Variants in CYP26A1 observed in about 807,000 individuals in gnomAD.
CYP26A1 encodes cytochrome P450 family 26 subfamily A member 1.
In CYP26A1, 46 loss-of-function variants were observed where a neutral mutation model predicts 47.4. The observed-to-expected ratio is 0.97, with a 90% CI of 0.77 to 1.24. CYP26A1 has a LOEUF of 1.24. CYP26A1 is among the 50% of genes most tolerant of loss of function. The pLI, the probability that CYP26A1 is intolerant of heterozygous loss-of-function variation, is 0.00. For synonymous variants in CYP26A1, 277 were observed against 263.7 expected (o/e 1.05, Z -0.49); for missense variants, 680 against 644.4 (o/e 1.06, Z -0.60).
intron 5 of CYP26A1, 32 bp downstream of exon 5, chr10:93,075,992 T>C: frequency 6.3e-7 from 1 of 1,584,244 alleles, no homozygotes; most frequent in Non-Finnish European, 8.7e-7. Context: ...GTGTCCTTAT[T>C]AGCTTAGGAA....
intron 6 of CYP26A1, 33 bp from the exon 7 acceptor site, chr10:93,076,930 T>G (rs1201057157): frequency 1.4e-6 from 2 of 1,381,418 alleles, no homozygotes; most frequent in South Asian, 1.3e-5. Flanking sequence ...AATTCCAGTT[T>G]GTCAGCCCTT....
chr10:93,076,485 T>C, intron 5 of CYP26A1, 59 bp from the exon 6 acceptor site: 1 of 1,250,996 alleles, frequency 8.0e-7, no homozygotes, highest in Non-Finnish European at 1.1e-6. Flanking sequence ...TTACGTCTGC[T>C]GGGCTGATTT....
intron 4 of CYP26A1, 103 bp from the exon 5 acceptor site, chr10:93,075,723 G>A (rs1590144339): frequency 1.2e-6 from 1 of 831,328 alleles, no homozygotes; most frequent in East Asian, 2.5e-5. Flanking sequence ...AAAACATTTA[G>A]CCCTTCTAGT....
At position 93,074,912 on chromosome 10, in the gene CYP26A1, G is replaced by A. The variant is rs200654050; in HGVS notation, c.548G>A (p.Arg183His). The change falls in exon 3 of 7, where the codon CGC becomes CAC. Residue 183 changes from arginine to histidine, a missense_variant. Arg to His is a conservative substitution (Grantham distance 29). Transcript: ENST00000224356. The surrounding 1 kb of genome is among the most constrained non-coding windows in gnomAD (Gnocchi z 5.3). ...CTCCTGGTCTACCCCGAGGTGAAGC[G>A]CCTCATGTTCCGAATCGCCATGCGC... The part of the protein sequence containing the change: ...RGLLVYPEVK[R>H]LMFRIAMRIL... 152 of 1,613,218 alleles carry A rather than the reference G, an allele frequency of 9.4e-5. 1 individual carries two copies. In the Middle Eastern group the frequency reaches 1.5e-3, roughly 16 times the overall value.
rs973440708 is a variant in CYP26A1, at chr10:93,077,390, C to G, written c.*86C>G. 3.0e-5 allele frequency: 16 copies of G among 538,260 alleles called. No individual in the cohort carries two copies. Among genetic ancestry groups the G allele is most frequent in the Non-Finnish European group, 4.8e-5 (16 of 330,930 alleles). 33.3% of individuals were successfully genotyped at this position (538,260 alleles called of 1,614,324 possible). A position where few individuals can be genotyped will look rare whatever the true frequency, so the allele number is the denominator to read the frequency against. ...GTTGTGTTGACTTTATATTTAATTTCTAAATGTATATTATAATATTTATGT... is the reference window on the plus strand; with the variant it reads ...GTTGTGTTGACTTTATATTTAATTTGTAAATGTATATTATAATATTTATGT... On this transcript the variant is annotated 3_prime_UTR_variant, in exon 7 of 7. Transcript: ENST00000224356.
In CYP26A1 at chr10:93,077,444, A is replaced by G; in HGVS notation, c.*140A>G. On this transcript the variant is annotated 3_prime_UTR_variant, in exon 7 of 7. Coordinates refer to ENST00000224356, the MANE Select transcript of CYP26A1 (RefSeq NM_000783.4). The stretch of plus-strand genomic sequence containing the variant: ...TTGACTATACTACCACAATCTTTAA[A>G]TATTAAAATAATGAATTTGTATCAT... The G allele has an allele frequency of 2.4e-6, 1 of 409,120 alleles. No homozygotes were observed. The highest frequency in any genetic ancestry group is 1.2e-4 in the South Asian group (1 of 8,424). 25.3% of individuals were successfully genotyped at this position (409,120 alleles called of 1,614,324 possible).
rs751088799 is a variant in CYP26A1, at chr10:93,077,085, G to A, written c.1275G>A (p.Glu425=). ...NPDRFMLPHP[E]DASRFSFIPF... ...ACCGATTCATGCTGCCTCACCCAGAGGATGCATCCAGGTTCAGCTTCATTC... is the reference window on the plus strand; with the variant it reads ...ACCGATTCATGCTGCCTCACCCAGAAGATGCATCCAGGTTCAGCTTCATTC... Residue 425 remains glutamate, a synonymous_variant, in exon 7 of 7, where the codon GAG becomes GAA. Transcript: ENST00000224356. 1.9e-6 allele frequency: 3 copies of A among 1,614,102 alleles called. No homozygotes were observed. Among genetic ancestry groups the A allele is most frequent in the Non-Finnish European group, 1.7e-6 (2 of 1,179,940 alleles).
At chr10:93,076,101 A>G (rs1846974661) in intron 5 of CYP26A1, 141 bp downstream of exon 5, 3 of 643,130 alleles carry the variant, frequency 4.7e-6, no homozygotes. Flanking sequence ...GCCAGTGGGC[A>G]GAATTAGCTT....
intron 6 of CYP26A1, 125 bp downstream of exon 6, chr10:93,076,821 A>G: frequency 1.1e-6 from 1 of 930,626 alleles, no homozygotes; most frequent in African/African-American, 1.7e-5. Flanking sequence ...GATATGTTTC[A>G]GCAACCTGGA....
Position 93,075,058 on chromosome 10 carries a change from G to T in CYP26A1, c.694G>T (p.Gly232Trp), listed in dbSNP as rs768727959. ...GCTGCCCATCGACGTGCCCTTCAGC[G>T]GGCTGTACCGGGTAAGGGCGGCAAA... ...FSLPIDVPFSGLYRGMKARNL... is the reference protein window; with the variant it reads ...FSLPIDVPFSWLYRGMKARNL... Residue 232 changes from glycine (G) to tryptophan (W), a missense_variant, in exon 3 of 7, where the codon GGG becomes TGG. Coordinates refer to ENST00000224356, the MANE Select transcript of CYP26A1 (RefSeq NM_000783.4). 1 of 1,612,780 alleles carries T rather than the reference G, an allele frequency of 6.2e-7. No homozygotes were observed. Among genetic ancestry groups the T allele is most frequent in the Admixed American group, 1.7e-5 (1 of 60,030 alleles).
At chr10:93,075,625 G>A (rs1846967878) in intron 4 of CYP26A1, 1 of 586,700 alleles carries the variant, frequency 1.7e-6, no homozygotes, top group Non-Finnish European at 3.0e-6. Flanking sequence ...CCGGTAGAGC[G>A]GGGTCGTACT....
chr10:93,077,208 G>C lies in CYP26A1; in HGVS notation c.1398G>C (p.Gln466His). 1.2e-6 allele frequency: 2 copies of C among 1,610,418 alleles called. No individual in the cohort carries two copies. The highest frequency in any genetic ancestry group is 2.2e-5 in the South Asian group (2 of 90,902). ...AGCTGGCCAGGCATTGTGACTGGCA[G>C]CTTCTAAATGGACCTCCTACAATGA... is the stretch of plus-strand genomic sequence containing the variant. ...TVELARHCDW[Q>H]LLNGPPTMKT... Residue 466 changes from glutamine to histidine, a missense_variant, in exon 7 of 7, where the codon CAG becomes CAC. Transcript: ENST00000224356.
upstream of CYP26A1, chr10:93,073,716 C>T (rs1277959279): frequency 1.3e-5 from 7 of 539,956 alleles, no homozygotes; most frequent in Non-Finnish European, 2.3e-5. Context: ...ACCGCGCCGC[C>T]TCTGCCTCGG....
Position 93,074,493 on chromosome 10 carries a change from C to T in CYP26A1, c.375C>T (p.Leu125=). The change falls in exon 2 of 7, where the codon CTC becomes CTT. Residue 125 remains leucine (L), a synonymous_variant. Coordinates refer to ENST00000224356, the MANE Select transcript of CYP26A1 (RefSeq NM_000783.4). The surrounding 1 kb of genome is among the most constrained non-coding windows in gnomAD (Gnocchi z 5.3). ...GCACCATTCTGGGATCTGGCTGCCT[C>T]TCTAACCTGCACGACTCCTCGCACA... ...SVRTILGSGC[L]SNLHDSSHKQ... is the part of the protein sequence containing the mutation. 1 of 1,611,106 alleles carries T rather than the reference C, an allele frequency of 6.2e-7. No individual in the cohort carries two copies. The highest frequency in any genetic ancestry group is 1.1e-5 in the South Asian group (1 of 91,042).
chr10:93,076,241 G>T (rs905591472), intron 5 of CYP26A1: 9 of 455,744 alleles, frequency 2.0e-5, no homozygotes, highest in Admixed American at 6.8e-5. Context: ...TCTTGAATTG[G>T]TGTGTCCAAG....
Position 93,074,316 on chromosome 10 carries a change from G to T in CYP26A1, c.198G>T (p.Lys66Asn), listed in dbSNP as rs1370594986. 7 of 1,602,434 alleles carry T rather than the reference G, an allele frequency of 4.4e-6. No homozygotes were observed. Among genetic ancestry groups the T allele is most frequent in the Non-Finnish European group, 5.1e-6 (6 of 1,170,296 alleles). Residue 66 changes from lysine (K) to asparagine (N), a missense_variant, in exon 2 of 7, where the codon AAG (lysine) becomes AAT (asparagine). Physicochemically the swap from Lys to Asn is moderately conservative, Grantham distance 94. Coordinates refer to ENST00000224356, the MANE Select transcript of CYP26A1 (RefSeq NM_000783.4). This position sits in a 1 kb window ranked among gnomAD's most constrained non-coding sequence, Gnocchi z 5.3. The stretch of plus-strand genomic sequence containing the variant: ...CCGCCTTCCTCCCACAGCGGAGGAA[G>T]TTCCTGCAGATGAAGCGCAGGAAAT... ...ETLQMVLQRR[K>N]FLQMKRRKYG...
chr10:93,075,557 A>T (rs768423181), intron 4 of CYP26A1: 2 of 593,132 alleles, frequency 3.4e-6, no homozygotes, highest in Non-Finnish European at 6.0e-6. Flanking sequence ...GAATTTGCAA[A>T]AATGTTAATA....
chr10:93,074,005 C>A lies in CYP26A1; in HGVS notation c.71C>A (p.Ala24Glu). The change falls in exon 1 of 7, where the codon GCG becomes GAG. Residue 24 changes from alanine to glutamate, a missense_variant. By Grantham distance (107) the Ala-to-Glu change is moderately radical. Coordinates refer to ENST00000224356, the MANE Select transcript of CYP26A1 (RefSeq NM_000783.4). This position sits in a 1 kb window ranked among gnomAD's most constrained non-coding sequence, Gnocchi z 5.3. ...CTGCCGCTGCTGCTCTTCCTGGCTGCGATCAAGCTCTGGGACCTGTACTGC... is the reference window on the plus strand; with the variant it reads ...CTGCCGCTGCTGCTCTTCCTGGCTGAGATCAAGCTCTGGGACCTGTACTGC... Reference protein sequence around the residue: ...FVLPLLLFLAAIKLWDLYCVS... With the variant: ...FVLPLLLFLAEIKLWDLYCVS... 6.3e-7 allele frequency: 1 copy of A among 1,589,634 alleles called. No individual in the cohort carries two copies. Among genetic ancestry groups the A allele is most frequent in the Non-Finnish European group, 8.6e-7 (1 of 1,158,952 alleles).
In CYP26A1 at chr10:93,077,105, T is replaced by A; in HGVS notation, c.1295T>A (p.Phe432Tyr). ...CCAGAGGATGCATCCAGGTTCAGCT[T>A]CATTCCATTTGGAGGAGGCCTTAGG... Reference protein sequence around the residue: ...PHPEDASRFSFIPFGGGLRSC... With the variant: ...PHPEDASRFSYIPFGGGLRSC... The change falls in exon 7 of 7, where the codon TTC becomes TAC. Residue 432 changes from phenylalanine (F) to tyrosine (Y), a missense_variant. Physicochemically the swap from Phe to Tyr is conservative, Grantham distance 22. Coordinates refer to ENST00000224356, the MANE Select transcript of CYP26A1 (RefSeq NM_000783.4). 6.2e-7 allele frequency: 1 copy of A among 1,614,224 alleles called. No individual in the cohort carries two copies. The highest frequency in any genetic ancestry group is 8.5e-7 in the Non-Finnish European group (1 of 1,180,028).
Sources: gnomAD v4.1 joint callset for allele counts on GRCh38, gnomAD v4.1.1 for gene constraint, Gnocchi (gnomAD v3.1) non-coding constraint, MANE v1.5 for transcripts, NCBI Gene and HGNC (gene_info 2026-07-23, HGNC 2026-07-21) for gene names.